Variants in NRG3 observed in about 807,000 individuals in gnomAD.
NRG3 encodes neuregulin 3.
In NRG3, 31 loss-of-function variants were observed where a neutral mutation model predicts 66.9. The ratio of observed to expected loss-of-function variants is 0.46; its 90% confidence interval spans 0.35 to 0.63. The LOEUF is 0.63. Ranked by LOEUF, NRG3 falls within the 20% of genes least tolerant of loss-of-function variation. NRG3 has a pLI of 0.00. For synonymous variants in NRG3, 393 were observed against 359.4 expected, an observed-to-expected ratio of 1.09 and a Z score of -1.06; for missense variants, 910 against 878.9, an observed-to-expected ratio of 1.04 and a Z score of -0.45.
At chr10:82,171,898 C>T (rs905393972) in intron 1 of NRG3, among the ~76,000 whole-genome samples, 1 of 152,056 alleles carries the variant, frequency 6.6e-6, no homozygotes, top group Non-Finnish European at 1.5e-5. Flanking sequence ...AGTAGCCACA[C>T]CTGGTTGTAA....
At chr10:82,618,762 TG>T (rs1480556373) in intron 2 of NRG3, among the ~76,000 whole-genome samples, 1 of 152,026 alleles carries the variant, frequency 6.6e-6, no homozygotes, top group African/African-American at 2.4e-5. Context: ...CCCCATTTTC[TG>T]AAAATTATGG....
chr10:82,817,315 C>A (rs1323780203), intron 3 of NRG3, among the ~76,000 whole-genome samples: 2 of 152,122 alleles, frequency 1.3e-5, no homozygotes, highest in Admixed American at 6.6e-5. Flanking sequence ...CTGAAGCCCA[C>A]CAATATTAAA....
At chr10:82,907,787 A>G (rs920055627) in intron 4 of NRG3, among the ~76,000 whole-genome samples, 1 of 152,218 alleles carries the variant, frequency 6.6e-6, no homozygotes, top group Non-Finnish European at 1.5e-5. Flanking sequence ...TATAAATACA[A>G]TGTAAGTAGA....
chr10:82,116,675 A>C (rs922222155), intron 1 of NRG3, among the ~76,000 whole-genome samples: 3 of 152,180 alleles, frequency 2.0e-5, no homozygotes, highest in African/African-American at 7.2e-5. Flanking sequence ...TTTTGTAAAC[A>C]AAAGTGTTTA....
chr10:82,760,944 T>C (rs1591438775), intron 3 of NRG3, among the ~76,000 whole-genome samples: 1 of 151,776 alleles, frequency 6.6e-6, no homozygotes, highest in Non-Finnish European at 1.5e-5. Flanking sequence ...CAGCTTCAAA[T>C]GTTATATAAC....
At chr10:82,411,761 G>C (rs925092825) in intron 2 of NRG3, among the ~76,000 whole-genome samples, 1 of 152,114 alleles carries the variant, frequency 6.6e-6, no homozygotes, top group African/African-American at 2.4e-5. Flanking sequence ...TGTGGCTTCT[G>C]ACAATTGTTT....
intron 1 of NRG3, among the ~76,000 whole-genome samples, chr10:81,883,575 A>AT (rs578155026): frequency 6.6e-6 from 1 of 152,258 alleles, no homozygotes; most frequent in South Asian, 2.1e-4. Context: ...CCATACGAAC[A>AT]TTTTTTTAAA....
intron 1 of NRG3, among the ~76,000 whole-genome samples, chr10:82,177,164 A>G (rs2073101094): frequency 6.6e-6 from 1 of 151,896 alleles, no homozygotes; most frequent in African/African-American, 2.4e-5. Context: ...TATTACTATC[A>G]TTTTTCAATT....
chr10:82,660,659 G>C (rs1215756824), intron 2 of NRG3, among the ~76,000 whole-genome samples: 3 of 152,164 alleles, frequency 2.0e-5, no homozygotes, highest in Non-Finnish European at 4.4e-5. Context: ...ACCGTACTGA[G>C]ATTTCTGCTC....
At chr10:82,284,375 T>C (rs1201877344) in intron 1 of NRG3, among the ~76,000 whole-genome samples, 1 of 152,200 alleles carries the variant, frequency 6.6e-6, no homozygotes, top group African/African-American at 2.4e-5. Flanking sequence ...TATCAAAAGC[T>C]ATAGAGATGC....
chr10:82,516,528 G>A (rs928450994), intron 2 of NRG3, among the ~76,000 whole-genome samples: 6 of 152,070 alleles, frequency 3.9e-5, no homozygotes, highest in African/African-American at 1.4e-4. Context: ...ATGACCTTTT[G>A]GGTAGATTTT....
intron 2 of NRG3, among the ~76,000 whole-genome samples, chr10:82,675,993 C>T (rs1158663100): frequency 6.6e-6 from 1 of 152,060 alleles, no homozygotes. Context: ...TGTAATTCCA[C>T]ACAGTTAGAA....
At chr10:82,594,578 G>T in intron 2 of NRG3, among the ~76,000 whole-genome samples, 1 of 152,132 alleles carries the variant, frequency 6.6e-6, no homozygotes, top group East Asian at 1.9e-4. Context: ...GGTGCTTATA[G>T]ATACTATAGC....
chr10:82,546,022 G>A (rs1167318939), intron 2 of NRG3, among the ~76,000 whole-genome samples: 1 of 152,050 alleles, frequency 6.6e-6, no homozygotes, highest in East Asian at 1.9e-4. Context: ...GACCACCTCA[G>A]CCTCCCAAAG....
intron 1 of NRG3, among the ~76,000 whole-genome samples, chr10:82,238,457 A>AAG (rs2076855731): frequency 6.6e-6 from 1 of 152,064 alleles, no homozygotes; most frequent in Non-Finnish European, 1.5e-5. Context: ...TCCCTTGTTC[A>AAG]AAGTCACATT....
intron 1 of NRG3, among the ~76,000 whole-genome samples, chr10:82,241,621 G>A (rs1206045937): frequency 6.6e-6 from 1 of 152,114 alleles, no homozygotes; most frequent in Non-Finnish European, 1.5e-5. Context: ...TATTTCTTTA[G>A]AGAAGTAAAA....
intron 2 of NRG3, among the ~76,000 whole-genome samples, chr10:82,549,535 C>A (rs1204011234): frequency 2.6e-5 from 4 of 152,158 alleles, no homozygotes; most frequent in Admixed American, 2.0e-4. Context: ...ATTTTTAATT[C>A]AATTCCCTTT....
chr10:82,658,374 T>G (rs1457955567), intron 2 of NRG3, among the ~76,000 whole-genome samples: 1 of 152,090 alleles, frequency 6.6e-6, no homozygotes, highest in African/African-American at 2.4e-5. Flanking sequence ...AAAAAACTCT[T>G]GGGAATGTAG....
At chr10:82,544,186 T>G (rs1251657817) in intron 2 of NRG3, among the ~76,000 whole-genome samples, 1 of 152,204 alleles carries the variant, frequency 6.6e-6, no homozygotes, top group Non-Finnish European at 1.5e-5. Context: ...GGTGCTATAT[T>G]GACCTAGCAT....
Sources: gnomAD v4.1 joint callset for allele counts (sites outside exome capture counted in the v4.1 genomes callset) on GRCh38, gnomAD v4.1.1 for gene constraint, MANE v1.5 for transcripts, NCBI Gene and HGNC (gene_info 2026-07-23, HGNC 2026-07-21) for gene names.